DPYSL3: variants seen among roughly 807,000 people sequenced by gnomAD.
The protein encoded by DPYSL3 is dihydropyrimidinase-related protein 3.
Under a neutral mutation model 66.1 loss-of-function variants are expected in DPYSL3, and 16 were observed. That is an observed-to-expected ratio of 0.24 (90% CI 0.16 to 0.37). The LOEUF (loss-of-function observed/expected upper bound fraction) is 0.37. Ranked by LOEUF, DPYSL3 falls within the 10% of genes least tolerant of loss-of-function variation. DPYSL3 has a pLI of 1.00. For missense variants in DPYSL3, 738 were observed against 916.2 expected, an observed-to-expected ratio of 0.81 and a Z score of 2.51; for synonymous variants, 338 against 345.1, an observed-to-expected ratio of 0.98 and a Z score of 0.23.
chr5:147,492,101 CT>C (rs1470926583), intron 1 of DPYSL3, among the ~76,000 whole-genome samples: 1 of 152,052 alleles, frequency 6.6e-6, no homozygotes, highest in East Asian at 1.9e-4. Context: ...TTTCATTCAA[CT>C]TGTCTTCAGA....
intron 1 of DPYSL3, among the ~76,000 whole-genome samples, chr5:147,488,355 C>A (rs944957816): frequency 6.6e-6 from 1 of 152,164 alleles, no homozygotes; most frequent in Admixed American, 6.5e-5. Context: ...TCAAAGGAGA[C>A]CCTCTAAAAT....
At chr5:147,475,465 G>A (rs1325289638) in intron 1 of DPYSL3, among the ~76,000 whole-genome samples, 7 of 152,062 alleles carry the variant, frequency 4.6e-5, no homozygotes, top group Non-Finnish European at 7.4e-5. Context: ...ACCCAGAACC[G>A]AATGCTGGCA....
At chr5:147,445,520 C>T (rs1752614480) in intron 1 of DPYSL3, among the ~76,000 whole-genome samples, 1 of 152,158 alleles carries the variant, frequency 6.6e-6, no homozygotes, top group South Asian at 2.1e-4. Flanking sequence ...ATACAGAGGG[C>T]CTAATATGTG....
rs75086295 is a variant in DPYSL3, at chr5:147,469,102, G to T, written c.381+40376C>A. 5.3e-3 allele frequency among the ~76,000 whole-genome samples: 804 copies of T among 152,290 alleles called. 32 individuals carry two copies. In the East Asian group the frequency reaches 0.11, roughly 21 times the overall value. Reference sequence around the variant, plus strand: ...CTGCCAAAATTCTTATGACCACTGGGGCACCCTCAAGCACATTGTAGCCTT... The same window carrying T: ...CTGCCAAAATTCTTATGACCACTGGTGCACCCTCAAGCACATTGTAGCCTT... On this transcript the variant is annotated intron_variant, in intron 1 of 13. Transcript: ENST00000343218.
At chr5:147,497,264 G>A in intron 1 of DPYSL3, among the ~76,000 whole-genome samples, 1 of 141,894 alleles carries the variant, frequency 7.0e-6, no homozygotes, top group Non-Finnish European at 1.5e-5. Flanking sequence ...GTGGGGGGAG[G>A]GGGAAGGGGT....
chr5:147,405,811 T>C (rs1239688578), intron 7 of DPYSL3, 81 bp from the exon 8 acceptor site: 3 of 1,533,598 alleles, frequency 2.0e-6, no homozygotes, highest in East Asian at 2.3e-5. Context: ...ACTGTGAGGA[T>C]GCAGTGCTGC....
At chr5:147,502,827 T>C (rs905378333) in intron 1 of DPYSL3, among the ~76,000 whole-genome samples, 1 of 152,158 alleles carries the variant, frequency 6.6e-6, no homozygotes, top group African/African-American at 2.4e-5. Context: ...CCGCCCGCCT[T>C]GCCCTCCCAA....
chr5:147,421,924 A>C (rs1752088391), intron 2 of DPYSL3, among the ~76,000 whole-genome samples: 1 of 152,250 alleles, frequency 6.6e-6, no homozygotes, highest in African/African-American at 2.4e-5. Flanking sequence ...AAACCTAGGC[A>C]ATACCACTCA....
intron 1 of DPYSL3, among the ~76,000 whole-genome samples, chr5:147,438,828 T>C (rs1752465731): frequency 6.6e-6 from 1 of 152,252 alleles, no homozygotes; most frequent in African/African-American, 2.4e-5. Context: ...CAAGTTATCA[T>C]CTTTGTCAGT....
At position 147,485,518 on chromosome 5, in the gene DPYSL3, G is replaced by A. The variant is rs114651388; in HGVS notation, c.381+23960C>T. Among the ~76,000 whole-genome samples, 720 of 152,084 alleles carry A rather than the reference G, an allele frequency of 4.7e-3. 9 individuals carry two copies. Among genetic ancestry groups the A allele is most frequent in the African/African-American group, 0.016 (667 of 41,484 alleles). Reference sequence around the variant, plus strand: ...TATTCTATTACTAAATATTTCAGTCGTTTTATGTATTCTTTACTATTAAAA... The same window carrying A: ...TATTCTATTACTAAATATTTCAGTCATTTTATGTATTCTTTACTATTAAAA... On this transcript the variant is annotated intron_variant, in intron 1 of 13. Coordinates refer to ENST00000343218, the MANE Select transcript of DPYSL3 (RefSeq NM_001197294.2).
chr5:147,504,329 C>T (rs1178008550), intron 1 of DPYSL3, among the ~76,000 whole-genome samples: 2 of 152,182 alleles, frequency 1.3e-5, no homozygotes, highest in African/African-American at 2.4e-5. Flanking sequence ...TTTTTATGTT[C>T]CTCAAATGCC....
intron 3 of DPYSL3, among the ~76,000 whole-genome samples, chr5:147,418,186 T>A (rs1752008591): frequency 6.6e-6 from 1 of 152,190 alleles, no homozygotes; most frequent in Non-Finnish European, 1.5e-5. Flanking sequence ...TCTCCACTCA[T>A]TGCAGGAGCC....
At chr5:147,450,326 C>T (rs565386652) in intron 1 of DPYSL3, among the ~76,000 whole-genome samples, 2 of 152,184 alleles carry the variant, frequency 1.3e-5, no homozygotes, top group South Asian at 2.1e-4. Context: ...CAGGTATGGG[C>T]TATTATTAGG....
intron 1 of DPYSL3, among the ~76,000 whole-genome samples, chr5:147,463,549 C>T (rs2126413428): frequency 6.6e-6 from 1 of 152,098 alleles, no homozygotes; most frequent in East Asian, 1.9e-4. Flanking sequence ...GTTAATGCCC[C>T]CCAGAGGGCA....
Position 147,509,517 on chromosome 5 carries a change from G to T in DPYSL3, c.342C>A (p.Thr114=). Residue 114 remains threonine, a synonymous_variant, in exon 1 of 14, where the codon ACC becomes ACA. Transcript: ENST00000343218. The surrounding 1 kb of genome is among the most constrained non-coding windows in gnomAD (Gnocchi z 5.3). ...APAGVEIRSA[T]GKEVLQNLGP... ...CGAGGTTCTGCAACACCTCTTTGCC[G>T]GTGGCGCTCCGGATCTCTACCCCGG... 1 of 1,533,402 alleles carries T rather than the reference G, an allele frequency of 6.5e-7. No homozygotes were observed. Among genetic ancestry groups the T allele is most frequent in the Non-Finnish European group, 8.7e-7 (1 of 1,145,626 alleles). The allele number at this position is 1,533,402 out of a possible 1,614,324, so 95.0% of individuals were successfully genotyped here. A position where few individuals can be genotyped will look rare whatever the true frequency, so the allele number is the denominator to read the frequency against.
intron 1 of DPYSL3, among the ~76,000 whole-genome samples, chr5:147,475,336 G>C (rs906721254): frequency 6.6e-6 from 1 of 152,080 alleles, no homozygotes; most frequent in African/African-American, 2.4e-5. Context: ...GATGAGTGAA[G>C]TGTTCAAGGG....
At chr5:147,426,178 G>A (rs1314212899) in intron 1 of DPYSL3, among the ~76,000 whole-genome samples, 2 of 152,096 alleles carry the variant, frequency 1.3e-5, no homozygotes, top group Non-Finnish European at 2.9e-5. Flanking sequence ...ACAGGGGAGT[G>A]GGCTTGTTTA....
intron 1 of DPYSL3, among the ~76,000 whole-genome samples, chr5:147,496,107 T>C (rs1208663145): frequency 6.6e-6 from 1 of 151,902 alleles, no homozygotes; most frequent in African/African-American, 2.4e-5. Context: ...TATCTACAAC[T>C]ATCTGATCTT....
intron 1 of DPYSL3, among the ~76,000 whole-genome samples, chr5:147,430,592 C>T (rs536839477): frequency 6.8e-4 from 102 of 149,678 alleles, no homozygotes; most frequent in African/African-American, 2.4e-3. Context: ...GAGGAAAGGG[C>T]GGGGAGAGAG....
Sources: allele counts gnomAD v4.1 joint callset (sites outside exome capture counted in the v4.1 genomes callset), GRCh38; gene constraint gnomAD v4.1.1; non-coding constraint Gnocchi (gnomAD v3.1); transcripts MANE v1.5; gene names NCBI Gene and HGNC (gene_info 2026-07-23, HGNC 2026-07-21).